The following ADGRL4 variants were observed in gnomAD, a reference collection of about 807,000 sequenced individuals.
The protein encoded by ADGRL4 is EGF, latrophilin and seven transmembrane domain containing 1.
ADGRL4 carries 90 observed loss-of-function variants against 74.8 expected under a neutral mutation model. That is an observed-to-expected ratio of 1.20 (90% CI 1.02 to 1.43). The LOEUF (loss-of-function observed/expected upper bound fraction) is 1.43, where lower values mean the gene tolerates loss of function less well. ADGRL4 is among the 40% of genes most tolerant of loss of function. ADGRL4 has a pLI of 0.00. For missense variants in ADGRL4, 881 were observed against 814.3 expected, an observed-to-expected ratio of 1.08 and a Z score of -1.00; for synonymous variants, 311 against 279.2, an observed-to-expected ratio of 1.11 and a Z score of -1.14.
At chr1:78,925,478 T>C (rs566454753) in intron 8 of ADGRL4, among the ~76,000 whole-genome samples, 1 of 152,022 alleles carries the variant, frequency 6.6e-6, no homozygotes, top group East Asian at 1.9e-4. Context: ...ACTGTAGAAT[T>C]ATGTATTAGT....
chr1:78,915,246 C>T (rs538047733), intron 12 of ADGRL4, among the ~76,000 whole-genome samples: 9 of 151,934 alleles, frequency 5.9e-5, no homozygotes, highest in South Asian at 2.1e-4. Flanking sequence ...GAGGAAACTC[C>T]GTACAAAAGC....
At chr1:78,958,591 ATATAACT>A (rs1649880240) in intron 2 of ADGRL4, among the ~76,000 whole-genome samples, 1 of 152,206 alleles carries the variant, frequency 6.6e-6, no homozygotes, top group African/African-American at 2.4e-5. Flanking sequence ...CAATCTCATG[ATATAACT>A]TTGATGGATG....
chr1:78,915,953 C>A (rs554156841), intron 12 of ADGRL4, among the ~76,000 whole-genome samples: 2 of 151,578 alleles, frequency 1.3e-5, no homozygotes, highest in South Asian at 2.1e-4. Context: ...AACTGAGGGG[C>A]CTAGCTCATT....
At chr1:78,965,991 C>CAAAAAAAAAAAA (rs201414584) in intron 2 of ADGRL4, among the ~76,000 whole-genome samples, 1 of 107,930 alleles carries the variant, frequency 9.3e-6, no homozygotes, top group Non-Finnish European at 2.0e-5. Flanking sequence ...AGGACAGAAC[C>CAAAAAAAAAAAA]AAAAAAAAAA....
intron 2 of ADGRL4, among the ~76,000 whole-genome samples, chr1:78,980,415 A>C (rs1650375004): frequency 1.3e-5 from 2 of 151,976 alleles, no homozygotes; most frequent in African/African-American, 2.4e-5. Context: ...AATAAAAAAA[A>C]CTGTCTCTTA....
At chr1:78,944,722 A>G (rs969041281) in intron 3 of ADGRL4, among the ~76,000 whole-genome samples, 1 of 152,190 alleles carries the variant, frequency 6.6e-6, no homozygotes, top group Non-Finnish European at 1.5e-5. Flanking sequence ...GTGTAGCCTT[A>G]CCTTTATCCA....
intron 2 of ADGRL4, among the ~76,000 whole-genome samples, chr1:78,966,288 T>C (rs1367466897): frequency 3.9e-5 from 6 of 152,094 alleles, no homozygotes; most frequent in African/African-American, 7.2e-5. Context: ...GACTCTGAGT[T>C]TGCGGAAAGT....
rs972516687 is a variant in ADGRL4 at position 79,006,617 on chromosome 1, G to T, written c.22+16C>A. ...CCCTCCGACGACCTCGGCGACCAGG[G>T]GCGCTGAGCACTCACCTAGGAGCGG... On this transcript the variant is annotated intron_variant, in intron 1 of 14. Transcript: ENST00000370742. The T allele has an allele frequency of 2.0e-6, 3 of 1,535,374 alleles. No homozygotes were observed. Among genetic ancestry groups the T allele is most frequent in the Non-Finnish European group, 2.6e-6 (3 of 1,141,398 alleles).
At chr1:78,970,755 C>T (rs974259103) in intron 2 of ADGRL4, among the ~76,000 whole-genome samples, 10 of 152,170 alleles carry the variant, frequency 6.6e-5, no homozygotes, top group Non-Finnish European at 1.3e-4. Flanking sequence ...CTTTCTCCTC[C>T]TCTGTCCTCT....
chr1:78,961,481 C>T (rs1359746484), intron 2 of ADGRL4, among the ~76,000 whole-genome samples: 1 of 152,074 alleles, frequency 6.6e-6, no homozygotes, highest in African/African-American at 2.4e-5. Flanking sequence ...TGTATGGCCT[C>T]CTAATGGGTC....
chr1:79,000,466 C>T (rs1162488282), intron 2 of ADGRL4, among the ~76,000 whole-genome samples: 1 of 152,142 alleles, frequency 6.6e-6, no homozygotes, highest in Non-Finnish European at 1.5e-5. Context: ...TCAAATCACA[C>T]AGGCCCCTTT....
chr1:78,938,374 G>T, intron 4 of ADGRL4, 95 bp from the exon 5 acceptor site: 1 of 999,914 alleles, frequency 1.0e-6, no homozygotes, highest in Non-Finnish European at 1.4e-6. Flanking sequence ...CCTGAGGTTG[G>T]TTTCCTTGGT....
intron 7 of ADGRL4, among the ~76,000 whole-genome samples, chr1:78,927,807 C>T (rs2100678460): frequency 6.6e-6 from 1 of 152,226 alleles, no homozygotes; most frequent in Middle Eastern, 3.4e-3. Flanking sequence ...TTGGATATGA[C>T]TGTGTGAGCT....
At chr1:78,992,399 ATCCCATGCAAAAGGACTTT>A (rs770455053) in intron 2 of ADGRL4, among the ~76,000 whole-genome samples, 6 of 152,068 alleles carry the variant, frequency 3.9e-5, no homozygotes, top group Non-Finnish European at 8.8e-5. Context: ...CTTGCAATAA[ATCCCATGCAAAAGGACTTT>A]TCAGGAATTG....
At position 78,938,227 on chromosome 1, in the gene ADGRL4, G is replaced by T; in HGVS notation, c.449C>A (p.Ser150Tyr). 6.2e-7 allele frequency: 1 copy of T among 1,610,780 alleles called. No individual in the cohort carries two copies. Among genetic ancestry groups the T allele is most frequent in the Non-Finnish European group, 8.5e-7 (1 of 1,179,144 alleles). ...ATCTGTTGGTGAAAGATCTGTCACA[G>T]AATTTCTATAGACTTCTTGTAGCAA... ...VALLQEVYRN[S>Y]VTDLSPTDII... Residue 150 changes from serine to tyrosine, a missense_variant, in exon 5 of 15, where the codon TCT (serine) becomes TAT (tyrosine). Physicochemically the swap from Ser to Tyr is moderately radical, Grantham distance 144. Transcript: ENST00000370742.
intron 2 of ADGRL4, among the ~76,000 whole-genome samples, chr1:78,951,283 C>T (rs1649716896): frequency 6.6e-6 from 1 of 151,978 alleles, no homozygotes; most frequent in Non-Finnish European, 1.5e-5. Context: ...TTCTTCTTAC[C>T]AATCAAGTGA....
At chr1:78,955,795 G>T (rs535081178) in intron 2 of ADGRL4, among the ~76,000 whole-genome samples, 1 of 151,996 alleles carries the variant, frequency 6.6e-6, no homozygotes, top group Non-Finnish European at 1.5e-5. Context: ...CTTCATAACT[G>T]CCAGCCAGGT....
intron 7 of ADGRL4, among the ~76,000 whole-genome samples, chr1:78,932,227 T>C (rs1480344606): frequency 6.6e-6 from 1 of 151,452 alleles, no homozygotes; most frequent in Non-Finnish European, 1.5e-5. Context: ...TAACAGTCTC[T>C]CAGATTACAG....
chr1:78,999,232 T>TA (rs1161624398), intron 2 of ADGRL4, among the ~76,000 whole-genome samples: 1 of 152,162 alleles, frequency 6.6e-6, no homozygotes, highest in Admixed American at 6.5e-5. Context: ...TTTGCAACCT[T>TA]AAAATATTGA....
Sources: gnomAD v4.1 joint callset for allele counts (sites outside exome capture counted in the v4.1 genomes callset) on GRCh38, gnomAD v4.1.1 for gene constraint, MANE v1.5 for transcripts, NCBI Gene and HGNC (gene_info 2026-07-23, HGNC 2026-07-21) for gene names.